Variants in SLC9A9 observed in about 807,000 individuals in gnomAD.
The protein encoded by SLC9A9 is sodium/hydrogen exchanger 9.
In SLC9A9, 62 loss-of-function variants were observed where a neutral mutation model predicts 77.8. That is an observed-to-expected ratio of 0.80 (90% confidence interval 0.65 to 0.98). The LOEUF (loss-of-function observed/expected upper bound fraction) is 0.98, where lower values mean the gene tolerates loss of function less well. Ranked by LOEUF, SLC9A9 falls within the 50% of genes least tolerant of loss-of-function variation. The pLI, the probability that SLC9A9 is intolerant of heterozygous loss-of-function variation, is 0.00. For synonymous variants in SLC9A9, 320 were observed against 283.5 expected (o/e 1.13, Z -1.29); for missense variants, 775 against 774.9 (o/e 1.00, Z 0.00).
chr3:143,659,258 C>CA (rs1014718900), intron 5 of SLC9A9, among the ~76,000 whole-genome samples: 10 of 151,226 alleles, frequency 6.6e-5, no homozygotes, highest in African/African-American at 2.2e-4. Context: ...GATGGGTCAC[C>CA]AAAAAAAATC....
chr3:143,591,920 C>G (rs750363908), intron 6 of SLC9A9, among the ~76,000 whole-genome samples: 1 of 152,196 alleles, frequency 6.6e-6, no homozygotes, highest in African/African-American at 2.4e-5. Context: ...AGCAGGTAAA[C>G]AAGCTATCAG....
intron 4 of SLC9A9, among the ~76,000 whole-genome samples, chr3:143,737,558 C>T (rs530065553): frequency 6.6e-6 from 1 of 151,842 alleles, no homozygotes; most frequent in South Asian, 2.1e-4. Flanking sequence ...ACGTGTTCAT[C>T]TTGAGTCTCA....
chr3:143,751,873 T>C (rs1415040915), intron 4 of SLC9A9, among the ~76,000 whole-genome samples: 1 of 152,172 alleles, frequency 6.6e-6, no homozygotes, highest in Non-Finnish European at 1.5e-5. Context: ...AATGTTTGCC[T>C]TTCTCCTCAG....
At chr3:143,625,393 C>G (rs1350608630) in intron 6 of SLC9A9, among the ~76,000 whole-genome samples, 1 of 152,192 alleles carries the variant, frequency 6.6e-6, no homozygotes, top group African/African-American at 2.4e-5. Context: ...ACCAAAACAA[C>G]ATGGTACTGG....
intron 11 of SLC9A9, among the ~76,000 whole-genome samples, chr3:143,468,930 G>C (rs2108570924): frequency 6.6e-6 from 1 of 152,302 alleles, no homozygotes; most frequent in East Asian, 1.9e-4. Context: ...GGGAGGCCGA[G>C]GTGGGCAGAT....
chr3:143,607,478 G>A (rs943938720), intron 6 of SLC9A9, among the ~76,000 whole-genome samples: 3 of 152,014 alleles, frequency 2.0e-5, no homozygotes, highest in African/African-American at 4.8e-5. Flanking sequence ...CAAATTGATA[G>A]CATAAATAAC....
chr3:143,465,448 TG>T (rs2035266598), intron 12 of SLC9A9, among the ~76,000 whole-genome samples: 1 of 152,216 alleles, frequency 6.6e-6, no homozygotes, highest in African/African-American at 2.4e-5. Context: ...GGATAAAACA[TG>T]TTACTGATTT....
chr3:143,659,722 T>A (rs1273035800), intron 5 of SLC9A9, among the ~76,000 whole-genome samples: 3 of 152,228 alleles, frequency 2.0e-5, no homozygotes, highest in Non-Finnish European at 4.4e-5. Flanking sequence ...CCTTGGAGCA[T>A]ATGAATATGT....
At chr3:143,301,373 G>C (rs1282219980) in intron 14 of SLC9A9, among the ~76,000 whole-genome samples, 1 of 152,286 alleles carries the variant, frequency 6.6e-6, no homozygotes, top group East Asian at 1.9e-4. Context: ...ATGCACCCCA[G>C]AGCTGCAGAG....
rs138819271 is a variant in SLC9A9, at chr3:143,757,772, A to G, written c.533+37229T>C. 9.2e-5 allele frequency among the ~76,000 whole-genome samples: 14 copies of G among 152,204 alleles called. No individual in the cohort carries two copies. The East Asian group carries it at 2.5e-3, about 27-fold the overall frequency. ...CGTATTTTTGCTTCCTATGATTTTTAGGATTTAAGGATAGTATATTACCTG... is the reference window on the plus strand; with the variant it reads ...CGTATTTTTGCTTCCTATGATTTTTGGGATTTAAGGATAGTATATTACCTG... On this transcript the variant is annotated intron_variant, in intron 4 of 15. Coordinates refer to ENST00000316549, the MANE Select transcript of SLC9A9 (RefSeq NM_173653.4).
chr3:143,382,588 C>T lies in SLC9A9; in HGVS notation c.1470-474G>A, dbSNP rs532857387. ...ATAGGGAGGATTCAGACTGTGGAGC[C>T]TGAGGCATATACAATTTGGGGGCTC... On this transcript the variant is annotated intron_variant, in intron 12 of 15. Coordinates refer to ENST00000316549, the MANE Select transcript of SLC9A9 (RefSeq NM_173653.4). Among the ~76,000 whole-genome samples the T allele has an allele frequency of 4.6e-5, 7 of 152,208 alleles. No individual in the cohort carries two copies. In the South Asian group the frequency reaches 1.2e-3, roughly 27 times the overall value.
At chr3:143,508,920 T>G (rs570588634) in intron 9 of SLC9A9, among the ~76,000 whole-genome samples, 19 of 152,342 alleles carry the variant, frequency 1.2e-4, no homozygotes, top group African/African-American at 4.6e-4. Context: ...AACTTTATAC[T>G]ATATGTAAAC....
chr3:143,539,076 A>G (rs1395128415), intron 9 of SLC9A9, among the ~76,000 whole-genome samples: 6 of 152,188 alleles, frequency 3.9e-5, no homozygotes, highest in Non-Finnish European at 8.8e-5. Flanking sequence ...GTGGAAAAAT[A>G]CAACAGTAAT....
intron 12 of SLC9A9, among the ~76,000 whole-genome samples, chr3:143,425,490 A>G (rs2034387256): frequency 6.6e-6 from 1 of 152,204 alleles, no homozygotes; most frequent in Non-Finnish European, 1.5e-5. Context: ...AATTAAAACA[A>G]TGTACTGGCT....
intron 9 of SLC9A9, among the ~76,000 whole-genome samples, chr3:143,537,409 G>A (rs1017214810): frequency 5.9e-5 from 9 of 152,172 alleles, no homozygotes; most frequent in African/African-American, 2.2e-4. Flanking sequence ...GCACCAACCT[G>A]CCCTTGCTGG....
intron 14 of SLC9A9, among the ~76,000 whole-genome samples, chr3:143,291,144 A>G (rs796985139): frequency 6.6e-5 from 10 of 152,290 alleles, no homozygotes; most frequent in African/African-American, 2.2e-4. Context: ...CCAAAATGAC[A>G]TGGAGAATAG....
chr3:143,563,466 A>C (rs1284364137), intron 8 of SLC9A9, among the ~76,000 whole-genome samples: 2 of 152,168 alleles, frequency 1.3e-5, no homozygotes, highest in Non-Finnish European at 2.9e-5. Context: ...CATAGGATCT[A>C]TCTGGTCACA....
intron 14 of SLC9A9, among the ~76,000 whole-genome samples, chr3:143,334,980 C>T (rs775757369): frequency 1.3e-5 from 2 of 151,634 alleles, no homozygotes; most frequent in African/African-American, 2.4e-5. Context: ...AAAAATAGCA[C>T]CCATATTGGA....
intron 11 of SLC9A9, among the ~76,000 whole-genome samples, chr3:143,478,607 T>A (rs532432822): frequency 6.6e-6 from 1 of 152,364 alleles, no homozygotes; most frequent in South Asian, 2.1e-4. Context: ...AATGACCCTA[T>A]GGATGGATAC....
Sources: allele counts gnomAD v4.1 joint callset (sites outside exome capture counted in the v4.1 genomes callset), GRCh38; gene constraint gnomAD v4.1.1; transcripts MANE v1.5; gene names NCBI Gene and HGNC (gene_info 2026-07-23, HGNC 2026-07-21).